The following AIDA variants were observed in gnomAD, a reference collection of about 807,000 sequenced individuals.
AIDA encodes axin interactor, dorsalization associated, also known as axin interactor, dorsalization-associated protein.
A neutral mutation model predicts 42.7 loss-of-function variants in AIDA; 18 were observed. The ratio of observed to expected loss-of-function variants is 0.42; its 90% CI spans 0.29 to 0.63. The LOEUF is 0.63. AIDA is among the 20% of genes least tolerant of loss of function. AIDA has a pLI of 0.19. For missense variants in AIDA, 250 were observed against 354.1 expected, an observed-to-expected ratio of 0.71 and a Z score of 2.36; for synonymous variants, 104 against 122.9, an observed-to-expected ratio of 0.85 and a Z score of 1.02.
At position 222,712,246 on chromosome 1, in the gene AIDA, A is replaced by G; in HGVS notation, c.72T>C (p.Ser24=). ...CTATCGCCTCCACCAGCTGGCCCCA[A>G]GAGTCGAAGTCGGCGCCTCTCCTAA... ...ASFRRGADFD[S]WGQLVEAIDE... The change falls in exon 1 of 10, where the codon TCT becomes TCC. Residue 24 remains serine (S), a synonymous_variant. Transcript: ENST00000340020. 6.2e-7 allele frequency: 1 copy of G among 1,601,410 alleles called. No individual in the cohort carries two copies. Among genetic ancestry groups the G allele is most frequent in the Non-Finnish European group, 8.5e-7 (1 of 1,173,914 alleles).
Position 222,669,454 on chromosome 1 carries a change from C to T in AIDA, c.*439G>A. ...CTCAAAGCAGTTTGACACTACCCTACCCACATCAACCCAAAGCTTGACGTT... is the reference window on the plus strand; with the variant it reads ...CTCAAAGCAGTTTGACACTACCCTATCCACATCAACCCAAAGCTTGACGTT... On this transcript the variant is annotated 3_prime_UTR_variant, in exon 10 of 10. Transcript: ENST00000340020. 5.7e-6 allele frequency: 1 copy of T among 175,842 alleles called. No individual in the cohort carries two copies. Among genetic ancestry groups the T allele is most frequent in the East Asian group, 1.4e-4 (1 of 6,912 alleles). The allele number at this position is 175,842 out of a possible 1,614,324, so 10.9% of individuals were successfully genotyped here.
intron 6 of AIDA, among the ~76,000 whole-genome samples, chr1:222,679,372 C>A (rs763228880): frequency 2.6e-5 from 4 of 151,988 alleles, no homozygotes; most frequent in Non-Finnish European, 5.9e-5. Flanking sequence ...GAAAAGAAAT[C>A]ATACATGAGC....
In AIDA at chr1:222,705,400, A is replaced by G. The variant is rs569839119; in HGVS notation, c.111-2183T>C. Among the ~76,000 whole-genome samples, 4 of 152,260 alleles carry G rather than the reference A, an allele frequency of 2.6e-5. No individual in the cohort carries two copies. The South Asian group carries it at 8.3e-4, about 32-fold the overall frequency. ...CACTGTATCCTTAACAACATCAACT[A>G]TACATCCCTGAACTCAGGGAAGTTA... On this transcript the variant is annotated intron_variant, in intron 1 of 9. Transcript: ENST00000340020.
chr1:222,712,197 T>C lies in AIDA; in HGVS notation c.110+11A>G. On this transcript the variant is annotated intron_variant, in intron 1 of 9. Coordinates refer to ENST00000340020, the MANE Select transcript of AIDA (RefSeq NM_022831.4). Reference sequence around the variant, plus strand: ...AGCCGGTCTGGCCTGCTCCCGCGGTTAGTCACTCACATCTGATACTCGTCT... The same window carrying C: ...AGCCGGTCTGGCCTGCTCCCGCGGTCAGTCACTCACATCTGATACTCGTCT... 1 of 1,595,274 alleles carries C rather than the reference T, an allele frequency of 6.3e-7. No homozygotes were observed. The highest frequency in any genetic ancestry group is 8.5e-7 in the Non-Finnish European group (1 of 1,170,106).
At chr1:222,702,543 A>C (rs1408798950) in intron 2 of AIDA, among the ~76,000 whole-genome samples, 1 of 152,180 alleles carries the variant, frequency 6.6e-6, no homozygotes, top group Non-Finnish European at 1.5e-5. Flanking sequence ...ACACACAAAA[A>C]ATTTAATTCA....
Position 222,693,769 on chromosome 1 carries a change from A to T in AIDA, c.289+20T>A. The T allele has an allele frequency of 6.3e-7, 1 of 1,589,620 alleles. No individual in the cohort carries two copies. Among genetic ancestry groups the T allele is most frequent in the Non-Finnish European group, 8.6e-7 (1 of 1,161,420 alleles). ...ATTTTTCCAAAGGAGTATCACAAAA[A>T]AATATAAACTTAAACTTACTTGGTT... On this transcript the variant is annotated intron_variant, in intron 4 of 9. Transcript: ENST00000340020.
At chr1:222,689,925 G>A (rs1287115866) in intron 4 of AIDA, among the ~76,000 whole-genome samples, 1 of 151,686 alleles carries the variant, frequency 6.6e-6, no homozygotes, top group African/African-American at 2.4e-5. Context: ...CCCTATAAAG[G>A]CATACCATTT....
Position 222,693,770 on chromosome 1 carries a change from A to T in AIDA, c.289+19T>A. 3 of 1,590,814 alleles carry T rather than the reference A, an allele frequency of 1.9e-6. No homozygotes were observed. Among genetic ancestry groups the T allele is most frequent in the Non-Finnish European group, 2.6e-6 (3 of 1,162,174 alleles). ...TTTTTCCAAAGGAGTATCACAAAAA[A>T]ATATAAACTTAAACTTACTTGGTTC... On this transcript the variant is annotated intron_variant, in intron 4 of 9. Coordinates refer to ENST00000340020, the MANE Select transcript of AIDA (RefSeq NM_022831.4).
At chr1:222,678,117 C>T (rs1664586454) in intron 6 of AIDA, among the ~76,000 whole-genome samples, 1 of 151,844 alleles carries the variant, frequency 6.6e-6, no homozygotes, top group African/African-American at 2.4e-5. Context: ...CAGGGAACTG[C>T]CATATAAGGC....
intron 1 of AIDA, among the ~76,000 whole-genome samples, chr1:222,709,945 A>G (rs942605019): frequency 6.6e-6 from 1 of 152,136 alleles, no homozygotes; most frequent in East Asian, 1.9e-4. Context: ...CTCCCCCTAC[A>G]TCCCTCGCAT....
intron 6 of AIDA, among the ~76,000 whole-genome samples, chr1:222,681,761 T>C (rs114242474): frequency 6.6e-6 from 1 of 152,118 alleles, no homozygotes; most frequent in African/African-American, 2.4e-5. Flanking sequence ...ACTGCCACCA[T>C]GGGGAGGGGA....
chr1:222,686,738 G>A (rs955432833), intron 6 of AIDA, among the ~76,000 whole-genome samples, 192 bp downstream of exon 6: 1 of 152,088 alleles, frequency 6.6e-6, no homozygotes, highest in African/African-American at 2.4e-5. Context: ...TGGTCCTGAG[G>A]ACCCCTGACA....
intron 1 of AIDA, among the ~76,000 whole-genome samples, chr1:222,708,934 T>A (rs1388764752): frequency 6.6e-6 from 1 of 152,144 alleles, no homozygotes; most frequent in Non-Finnish European, 1.5e-5. Flanking sequence ...CCTAAATTCA[T>A]CCATTCAATA....
At chr1:222,690,261 C>T (rs762010835) in intron 4 of AIDA, among the ~76,000 whole-genome samples, 1 of 152,122 alleles carries the variant, frequency 6.6e-6, no homozygotes, top group Non-Finnish European at 1.5e-5. Context: ...AGGGATTTAT[C>T]CTGAAGAGAA....
intron 1 of AIDA, among the ~76,000 whole-genome samples, chr1:222,708,780 G>T (rs550365960): frequency 6.6e-6 from 1 of 152,188 alleles, no homozygotes; most frequent in South Asian, 2.1e-4. Context: ...ATAAGTTAGG[G>T]GCCACATATC....
At position 222,712,478 on chromosome 1, in the gene AIDA, A is replaced by T; in HGVS notation, c.-161T>A. The T allele has an allele frequency of 2.8e-6, 4 of 1,416,822 alleles. No individual in the cohort carries two copies. Among genetic ancestry groups the T allele is most frequent in the Non-Finnish European group, 3.7e-6 (4 of 1,088,640 alleles). The allele number at this position is 1,416,822 out of a possible 1,614,324, so 87.8% of individuals were successfully genotyped here. A position where few individuals can be genotyped will look rare whatever the true frequency, so the allele number is the denominator to read the frequency against. On this transcript the variant is annotated 5_prime_UTR_variant, in exon 1 of 10. Coordinates refer to ENST00000340020, the MANE Select transcript of AIDA (RefSeq NM_022831.4). ...GAGCCGCCCAAGCCCATTTGCCGCC[A>T]CAGCCAAACTTTGCGGCTCCAAAGC...
chr1:222,689,481 G>GTGTGTATATA (rs1253190601), intron 4 of AIDA, among the ~76,000 whole-genome samples: 5 of 35,358 alleles, frequency 1.4e-4, no homozygotes, highest in African/African-American at 2.2e-4. Context: ...GTGTGTGTGT[G>GTGTGTATATA]TATATATATA....
chr1:222,699,505 TG>T (rs1398829548), intron 2 of AIDA, among the ~76,000 whole-genome samples: 1 of 152,230 alleles, frequency 6.6e-6, no homozygotes, highest in East Asian at 1.9e-4. Flanking sequence ...AAATACTACA[TG>T]CCCAAACTCT....
At chr1:222,672,619 T>C (rs1351235510) in intron 8 of AIDA, among the ~76,000 whole-genome samples, 5 of 152,118 alleles carry the variant, frequency 3.3e-5, no homozygotes, top group Non-Finnish European at 5.9e-5. Context: ...TGAAAGGTCT[T>C]TTAGTGGGGG....
Sources: gnomAD v4.1 joint callset for allele counts (sites outside exome capture counted in the v4.1 genomes callset) on GRCh38, gnomAD v4.1.1 for gene constraint, MANE v1.5 for transcripts, NCBI Gene and HGNC (gene_info 2026-07-23, HGNC 2026-07-21) for gene names.